The following MPND variants were observed in gnomAD, a reference collection of about 807,000 sequenced individuals.
MPND encodes the protein MPN domain-containing protein.
Under a neutral mutation model 59.2 loss-of-function variants are expected in MPND, and 56 were observed. That is an observed-to-expected ratio of 0.95 (90% CI 0.76 to 1.18). MPND has a LOEUF of 1.18. Ranked by LOEUF, MPND falls within the 50% of genes most tolerant of loss-of-function variation. The pLI, the probability that MPND is intolerant of heterozygous loss-of-function variation, is 0.00. For synonymous variants in MPND, 323 were observed against 291.9 expected, an observed-to-expected ratio of 1.11 and a Z score of -1.09; for missense variants, 671 against 676.0, an observed-to-expected ratio of 0.99 and a Z score of 0.08.
At chr19:4,350,761 C>T (rs73919880) in intron 3 of MPND, among the ~76,000 whole-genome samples, 4,491 of 152,046 alleles carry the variant, frequency 0.03, 212 homozygotes, top group African/African-American at 0.1. Context: ...GCAGCTGGGC[C>T]CTGAGTCTGG....
chr19:4,355,115 CCTTCCCTT>C lies in MPND; in HGVS notation c.939_946del (p.Phe314SerfsTer101). 5.0e-6 allele frequency: 8 copies of C among 1,613,906 alleles called. No homozygotes were observed. The highest frequency in any genetic ancestry group is 6.8e-6 in the Non-Finnish European group (8 of 1,180,016). ...CCCACAGTGCTGACGGTGCTCAGAGCCTTCCCTTGTCGGAGCCGGCTCGGGGACGCAGA... is the reference window on the plus strand; with the variant it reads ...CCCACAGTGCTGACGGTGCTCAGAGCGTCGGAGCCGGCTCGGGGACGCAGA... On this transcript the variant is annotated frameshift_variant, in exon 8 of 13. Coordinates refer to ENST00000599840, the MANE Select transcript of MPND (RefSeq NM_001300862.2). LOFTEE classifies it high-confidence loss of function.
chr19:4,358,361 C>T, intron 11 of MPND, 189 bp downstream of exon 11: 2 of 588,666 alleles, frequency 3.4e-6, no homozygotes, highest in Non-Finnish European at 6.1e-6. Context: ...AACTTCTGCC[C>T]TCCCTCACCT....
Position 4,343,732 on chromosome 19 carries a change from G to C in MPND, c.32G>C (p.Gly11Ala). 8.3e-7 allele frequency: 1 copy of C among 1,206,214 alleles called. No individual in the cohort carries two copies. Among genetic ancestry groups the C allele is most frequent in the Non-Finnish European group, 1.0e-6 (1 of 971,258 alleles). 74.7% of individuals were successfully genotyped at this position (1,206,214 alleles called of 1,614,324 possible). Reference protein sequence around the residue: MAAPEPLSPAGGAGEEAPEED... With the variant: MAAPEPLSPAAGAGEEAPEED... Reference sequence around the variant, plus strand: ...GCTCCGGAGCCGCTGTCCCCGGCGGGCGGTGCGGGCGAGGAGGCGCCGGAG... The same window carrying C: ...GCTCCGGAGCCGCTGTCCCCGGCGGCCGGTGCGGGCGAGGAGGCGCCGGAG... The change falls in exon 2 of 13, where the codon GGC becomes GCC. Residue 11 changes from glycine to alanine, a missense_variant. Physicochemically the swap from Gly to Ala is moderately conservative, Grantham distance 60 (BLOSUM62 0). Transcript: ENST00000599840.
chr19:4,343,757 G>GGAGGAC lies in MPND; in HGVS notation c.66_71dup (p.Asp23_Glu24dup), dbSNP rs1972121796. The GGAGGAC allele has an allele frequency of 2.5e-6, 3 of 1,209,112 alleles. No homozygotes were observed. The highest frequency in any genetic ancestry group is 3.1e-6 in the Non-Finnish European group (3 of 972,516). 74.9% of individuals were successfully genotyped at this position (1,209,112 alleles called of 1,614,324 possible). ...GCGGTGCGGGCGAGGAGGCGCCGGA[G>GGAGGAC]GAGGACGAGGACGAAGCGGAGGCCG... is the stretch of plus-strand genomic sequence containing the variant. On this transcript the variant is annotated inframe_insertion, in exon 2 of 13. Transcript: ENST00000599840.
At chr19:4,352,218 T>G (rs1972334913) in intron 3 of MPND, among the ~76,000 whole-genome samples, 1 of 152,046 alleles carries the variant, frequency 6.6e-6, no homozygotes, top group Non-Finnish European at 1.5e-5. Flanking sequence ...TCAGAGAGTT[T>G]AAACCCATTT....
chr19:4,357,021 T>C, intron 8 of MPND: 1 of 416,596 alleles, frequency 2.4e-6, no homozygotes, highest in Non-Finnish European at 4.2e-6. Context: ...CAAAATGACT[T>C]TGGTGTCCTG....
Position 4,359,895 on chromosome 19 carries a change from GGCCCAGCCCCCTCGTTTCAGATCTCCTT to G in MPND, c.1420-19_1428del. ...GCTAGGACCCCCGGGCACAGCCTGA[GGCCCAGCCCCCTCGTTTCAGATCTCCTT>G]GGCCAGCAGGACGCCCAAGGACCAG... On this transcript the variant is annotated splice_acceptor_variant and splice_polypyrimidine_tract_variant and coding_sequence_variant and intron_variant, in exon 13 of 13. Transcript: ENST00000599840. LOFTEE classifies it high-confidence loss of function. 1.3e-6 allele frequency: 2 copies of G among 1,548,822 alleles called. No individual in the cohort carries two copies. The highest frequency in any genetic ancestry group is 1.7e-6 in the Non-Finnish European group (2 of 1,145,152).
chr19:4,352,988 G>A lies in MPND; in HGVS notation c.623G>A (p.Arg208Gln), dbSNP rs764454313. ...GGGGTCTCAGCAGAGGACAAGAGTCGGAGACCACTGGGGAAGAGCCCTTCA... is the reference window on the plus strand; with the variant it reads ...GGGGTCTCAGCAGAGGACAAGAGTCAGAGACCACTGGGGAAGAGCCCTTCA... ...LAGVSAEDKS[R>Q]RPLGKSPSEP... Residue 208 changes from arginine to glutamine, a missense_variant, in exon 4 of 13, where the codon CGG (arginine) becomes CAG (glutamine). By Grantham distance (43) the Arg-to-Gln change is conservative. Coordinates refer to ENST00000599840, the MANE Select transcript of MPND (RefSeq NM_001300862.2). The A allele has an allele frequency of 2.5e-5, 34 of 1,369,866 alleles. No homozygotes were observed. The highest frequency in any genetic ancestry group is 3.0e-5 in the African/African-American group (2 of 67,144). 84.9% of individuals were successfully genotyped at this position (1,369,866 alleles called of 1,614,324 possible). A position where few individuals can be genotyped will look rare whatever the true frequency, so the allele number is the denominator to read the frequency against.
At position 4,344,106 on chromosome 19, in the gene MPND, C is replaced by A. The variant is rs927770038; in HGVS notation, c.294+112C>A. ...TCAGTGTAGGGAGGGGACACTGAGGCCCGGAGCTCCCTTGCTGAGAGACGA... is the reference window on the plus strand; with the variant it reads ...TCAGTGTAGGGAGGGGACACTGAGGACCGGAGCTCCCTTGCTGAGAGACGA... On this transcript the variant is annotated intron_variant, in intron 2 of 12. Coordinates refer to ENST00000599840, the MANE Select transcript of MPND (RefSeq NM_001300862.2). 1.3e-5 allele frequency: 10 copies of A among 776,482 alleles called. No individual in the cohort carries two copies. In the South Asian group the frequency reaches 4.9e-4, roughly 38 times the overall value. The allele number at this position is 776,482 out of a possible 1,614,324, so 48.1% of individuals were successfully genotyped here. A position where few individuals can be genotyped will look rare whatever the true frequency, so the allele number is the denominator to read the frequency against.
chr19:4,350,349 G>C (rs956762952), intron 3 of MPND, among the ~76,000 whole-genome samples: 1 of 152,116 alleles, frequency 6.6e-6, no homozygotes, highest in Non-Finnish European at 1.5e-5. Context: ...GCTTTGACCG[G>C]GAGGAAGGTG....
At position 4,343,937 on chromosome 19, in the gene MPND, G is replaced by A; in HGVS notation, c.237G>A (p.Val79=). ...ALTRRAVTLR[V]LLKDALLEPG... ...CCAGGCGCGCGGTCACACTGCGGGT[G>A]CTCCTCAAAGACGCGCTGCTGGAGC... The change falls in exon 2 of 13, where the codon GTG becomes GTA. Residue 79 remains valine, a synonymous_variant. Coordinates refer to ENST00000599840, the MANE Select transcript of MPND (RefSeq NM_001300862.2). 1.5e-6 allele frequency: 2 copies of A among 1,371,542 alleles called. No individual in the cohort carries two copies. Among genetic ancestry groups the A allele is most frequent in the Non-Finnish European group, 1.9e-6 (2 of 1,060,086 alleles). The allele number at this position is 1,371,542 out of a possible 1,614,324, so 85.0% of individuals were successfully genotyped here.
Position 4,357,567 on chromosome 19 carries a change from G to A in MPND, c.1218G>A (p.Trp406Ter), listed in dbSNP as rs1206783118. Reference protein sequence around the residue: ...PGPESKISPFWVMPPPEQRPS... With the variant: ...PGPESKISPF Reference sequence around the variant, plus strand: ...CCGAGTCCAAGATCTCACCTTTCTGGGTGATGCCTCCTCCCGAGGTAGGTG... The same window carrying A: ...CCGAGTCCAAGATCTCACCTTTCTGAGTGATGCCTCCTCCCGAGGTAGGTG... The change falls in exon 10 of 13, where the codon TGG becomes TGA. Residue 406 changes from tryptophan to a stop codon, truncating the protein, a stop_gained. Coordinates refer to ENST00000599840, the MANE Select transcript of MPND (RefSeq NM_001300862.2). LOFTEE classifies it high-confidence loss of function. 1 of 1,612,964 alleles carries A rather than the reference G, an allele frequency of 6.2e-7. No homozygotes were observed. The highest frequency in any genetic ancestry group is 1.7e-5 in the Admixed American group (1 of 59,894).
At position 4,351,452 on chromosome 19, in the gene MPND, G is replaced by T. The variant is rs116888401; in HGVS notation, c.532-1445G>T. ...TGAAAGCCACCTATGTATGGTGCTGGCTCGCTCAATGAACGGAGCATCTAG... is the reference window on the plus strand; with the variant it reads ...TGAAAGCCACCTATGTATGGTGCTGTCTCGCTCAATGAACGGAGCATCTAG... On this transcript the variant is annotated intron_variant, in intron 3 of 12. Transcript: ENST00000599840. Among the ~76,000 whole-genome samples, 10 of 152,318 alleles carry T rather than the reference G, an allele frequency of 6.6e-5. No homozygotes were observed. The South Asian group carries it at 1.7e-3, about 25-fold the overall frequency.
chr19:4,351,480 G>A (rs1055797430), intron 3 of MPND, among the ~76,000 whole-genome samples: 2 of 152,196 alleles, frequency 1.3e-5, no homozygotes, highest in Non-Finnish European at 2.9e-5. Context: ...GCATCTAGGT[G>A]TATGCTAAAT....
At chr19:4,354,681 C>T in intron 6 of MPND, 1 of 590,898 alleles carries the variant, frequency 1.7e-6, no homozygotes. Context: ...GCCTGGGTAA[C>T]ACTGAAACCC....
chr19:4,343,689 A>G lies in MPND; in HGVS notation c.8-19A>G. 1.7e-6 allele frequency: 2 copies of G among 1,164,744 alleles called. No individual in the cohort carries two copies. Among genetic ancestry groups the G allele is most frequent in the Non-Finnish European group, 2.1e-6 (2 of 942,384 alleles). 72.2% of individuals were successfully genotyped at this position (1,164,744 alleles called of 1,614,324 possible). A position where few individuals can be genotyped will look rare whatever the true frequency, so the allele number is the denominator to read the frequency against. ...GCCGTGGGGCGAGCGGCCTCCCTGCAGCCTCTCGCTGTCCGCAGCTCCGGA... is the reference window on the plus strand; with the variant it reads ...GCCGTGGGGCGAGCGGCCTCCCTGCGGCCTCTCGCTGTCCGCAGCTCCGGA... On this transcript the variant is annotated intron_variant, in intron 1 of 12. Coordinates refer to ENST00000599840, the MANE Select transcript of MPND (RefSeq NM_001300862.2).
In MPND at chr19:4,354,338, T is replaced by G. The variant is rs375130729; in HGVS notation, c.764T>G (p.Leu255Arg). The G allele has an allele frequency of 1.3e-6, 2 of 1,559,172 alleles. No individual in the cohort carries two copies. The highest frequency in any genetic ancestry group is 2.4e-5 in the South Asian group (2 of 84,794). ...SRDLARNPHT[L>R]VEVTSFAAIN... ...GGCCCCTACAGGAACCCCCACACCC[T>G]GGTGGAAGTAACATCCTTTGCAGCC... Residue 255 changes from leucine to arginine, a missense_variant, in exon 6 of 13, where the codon CTG becomes CGG. Physicochemically the swap from Leu to Arg is moderately radical, Grantham distance 102 (BLOSUM62 -2). Transcript: ENST00000599840.
intron 2 of MPND, 60 bp from the exon 3 acceptor site, chr19:4,345,685 C>A: frequency 6.5e-7 from 1 of 1,537,286 alleles, no homozygotes; most frequent in East Asian, 2.3e-5. Flanking sequence ...GGAGGACCCC[C>A]CGGGAGAGAG....
At chr19:4,359,122 C>A in intron 11 of MPND, 41 bp from the exon 12 acceptor site, 1 of 1,472,672 alleles carries the variant, frequency 6.8e-7, no homozygotes, top group Non-Finnish European at 9.5e-7. Flanking sequence ...GTACCTCAGG[C>A]TTGGAGGGAG....
Sources: gnomAD v4.1 joint callset for allele counts (sites outside exome capture counted in the v4.1 genomes callset) on GRCh38, gnomAD v4.1.1 for gene constraint, MANE v1.5 for transcripts, NCBI Gene and HGNC (gene_info 2026-07-23, HGNC 2026-07-21) for gene names.